Variants in ELF2 observed in about 807,000 individuals in gnomAD.
The protein encoded by ELF2 is E74 like ETS transcription factor 2.
In ELF2, 11 loss-of-function variants were observed where a neutral mutation model predicts 54.8. The ratio of observed to expected loss-of-function variants is 0.20; its 90% CI spans 0.13 to 0.33. The LOEUF is 0.33. ELF2 is among the 10% of genes least tolerant of loss of function. ELF2 has a pLI of 1.00. For synonymous variants in ELF2, 203 were observed against 245.1 expected, an observed-to-expected ratio of 0.83 and a Z score of 1.61; for missense variants, 513 against 703.0, an observed-to-expected ratio of 0.73 and a Z score of 3.06.
chr4:139,107,886 A>C (rs13106388), intron 4 of ELF2, among the ~76,000 whole-genome samples: 34,505 of 151,980 alleles, frequency 0.23, 4,108 homozygotes, highest in Non-Finnish European at 0.25. Context: ...GTCTGATCAC[A>C]GATAAAAACA....
At chr4:139,096,644 T>TA (rs1453993236) in intron 4 of ELF2, among the ~76,000 whole-genome samples, 1 of 149,826 alleles carries the variant, frequency 6.7e-6, no homozygotes. Flanking sequence ...TTTTTTTTTT[T>TA]AATTCTTTGT....
chr4:139,148,028 C>T (rs191660058), intron 1 of ELF2, among the ~76,000 whole-genome samples: 4 of 150,958 alleles, frequency 2.6e-5, no homozygotes, highest in Non-Finnish European at 5.9e-5. Flanking sequence ...TCAGGTGATC[C>T]GCCTGCCTCA....
At chr4:139,156,470 T>C (rs1740551262) in intron 1 of ELF2, among the ~76,000 whole-genome samples, 1 of 151,696 alleles carries the variant, frequency 6.6e-6, no homozygotes, top group Non-Finnish European at 1.5e-5. Flanking sequence ...TTAGCCACCA[T>C]GCCCGGCCAA....
chr4:139,163,948 G>T (rs1322767724), intron 1 of ELF2, among the ~76,000 whole-genome samples: 1 of 145,256 alleles, frequency 6.9e-6, no homozygotes, highest in Non-Finnish European at 1.5e-5. Flanking sequence ...AGAGGGAGGG[G>T]TGAGAAAGAG....
At chr4:139,156,267 C>T (rs952425542) in intron 1 of ELF2, among the ~76,000 whole-genome samples, 2 of 151,842 alleles carry the variant, frequency 1.3e-5, no homozygotes, top group African/African-American at 4.8e-5. Flanking sequence ...GCTCCGCCTC[C>T]CGGGTTCACG....
At chr4:139,163,812 G>A (rs1741411032) in intron 1 of ELF2, among the ~76,000 whole-genome samples, 1 of 152,074 alleles carries the variant, frequency 6.6e-6, no homozygotes, top group African/African-American at 2.4e-5. Flanking sequence ...TACTCAGGAG[G>A]CTGAGATGGG....
At chr4:139,136,790 G>C (rs1048299598) in intron 3 of ELF2, 12 of 150,530 alleles carry the variant, frequency 8.0e-5, no homozygotes, top group Admixed American at 6.7e-4. Context: ...TCAGCCTCCC[G>C]AGTAGCTGGG....
At chr4:139,062,695 T>C (rs1728056659) in intron 7 of ELF2, among the ~76,000 whole-genome samples, 2 of 152,232 alleles carry the variant, frequency 1.3e-5, no homozygotes, top group South Asian at 4.1e-4. Flanking sequence ...ACCTTTATCA[T>C]ATGATAAGCC....
intron 9 of ELF2, 39 bp downstream of exon 9, chr4:139,060,285 A>G (rs1295248114): frequency 6.7e-7 from 1 of 1,488,618 alleles, no homozygotes; most frequent in Non-Finnish European, 8.9e-7. Flanking sequence ...ACTTTTTTAA[A>G]AAGTAAATAC....
At chr4:139,119,076 AT>A (rs1290464383) in intron 4 of ELF2, among the ~76,000 whole-genome samples, 1 of 152,234 alleles carries the variant, frequency 6.6e-6, no homozygotes, top group Non-Finnish European at 1.5e-5. Context: ...TTTCTATCAT[AT>A]TTGACTACTC....
At chr4:139,173,347 A>G (rs1177923089) in intron 1 of ELF2, among the ~76,000 whole-genome samples, 1 of 152,200 alleles carries the variant, frequency 6.6e-6, no homozygotes, top group Non-Finnish European at 1.5e-5. Context: ...ACACAAAAAC[A>G]TGAATATTCA....
At chr4:139,114,309 GC>G (rs1304032486) in intron 4 of ELF2, among the ~76,000 whole-genome samples, 1 of 152,032 alleles carries the variant, frequency 6.6e-6, no homozygotes, top group African/African-American at 2.4e-5. Context: ...GGTTGCTCAC[GC>G]CTGTAATCCC....
At position 139,132,498 on chromosome 4, in the gene ELF2, T is replaced by C. The variant is rs375405440; in HGVS notation, c.72+5132A>G. 8.1e-4 allele frequency among the ~76,000 whole-genome samples: 123 copies of C among 152,254 alleles called. 1 individual carries two copies. Among genetic ancestry groups the C allele is most frequent in the Non-Finnish European group, 1.6e-3 (109 of 68,006 alleles). ...CTAGGCAACCACTGATCTATCCCTA[T>C]AGATTTCTATCCCTATAGATCTGCC... On this transcript the variant is annotated intron_variant, in intron 3 of 9. Transcript: ENST00000686138.
chr4:139,115,867 G>A (rs1372507675), intron 4 of ELF2, among the ~76,000 whole-genome samples: 1 of 151,958 alleles, frequency 6.6e-6, no homozygotes, highest in African/African-American at 2.4e-5. Context: ...TTTTTGAGAC[G>A]GAGTCTGTCT....
chr4:139,068,661 G>A (rs757935274), intron 6 of ELF2, among the ~76,000 whole-genome samples: 3 of 152,002 alleles, frequency 2.0e-5, no homozygotes, highest in South Asian at 2.1e-4. Context: ...TTGCCATAAG[G>A]CTCTCTCAGA....
intron 4 of ELF2, among the ~76,000 whole-genome samples, chr4:139,118,697 T>A (rs1325816842): frequency 2.0e-5 from 3 of 151,764 alleles, no homozygotes; most frequent in East Asian, 1.9e-4. Flanking sequence ...TTTTTTTTTT[T>A]AAGTGGAAGC....
intron 1 of ELF2, among the ~76,000 whole-genome samples, chr4:139,176,516 G>A (rs1742942272): frequency 6.6e-6 from 1 of 151,548 alleles, no homozygotes; most frequent in Admixed American, 6.6e-5. Context: ...CTCCCAGGAC[G>A]CGCTTCCTCC....
At chr4:139,153,540 C>T (rs1327910009) in intron 1 of ELF2, among the ~76,000 whole-genome samples, 6 of 152,128 alleles carry the variant, frequency 3.9e-5, no homozygotes, top group African/African-American at 4.8e-5. Flanking sequence ...AACTGAGTCA[C>T]GCAAAACTGC....
rs1208291322 is a variant in ELF2, at chr4:139,081,662, A to C, written c.239-8095T>G. On this transcript the variant is annotated intron_variant, in intron 4 of 9. Coordinates refer to ENST00000686138, the MANE Select transcript of ELF2 (RefSeq NM_001331036.3). ...GTATTCTGTCCATTACACAAATACA[A>C]ACTTTAGAAACATTATCCTACCAAT... Among the ~76,000 whole-genome samples the C allele has an allele frequency of 2.0e-5, 3 of 152,212 alleles. No individual in the cohort carries two copies. The East Asian group carries it at 5.8e-4, about 29-fold the overall frequency.
Sources: gnomAD v4.1 joint callset for allele counts (sites outside exome capture counted in the v4.1 genomes callset) on GRCh38, gnomAD v4.1.1 for gene constraint, MANE v1.5 for transcripts, NCBI Gene and HGNC (gene_info 2026-07-23, HGNC 2026-07-21) for gene names.